Variants in SGCZ observed in about 807,000 individuals in gnomAD.
The protein encoded by SGCZ is sarcoglycan zeta.
A neutral mutation model predicts 41.3 loss-of-function variants in SGCZ; 40 were observed. That is an observed-to-expected ratio of 0.97 (90% CI 0.75 to 1.26). The LOEUF is 1.26. Among genes scored for constraint, SGCZ ranks in the 50% most tolerant of loss-of-function variants. SGCZ has a pLI of 0.00. For synonymous variants in SGCZ, 206 were observed against 137.5 expected, an observed-to-expected ratio of 1.50 and a Z score of -3.49; for missense variants, 552 against 369.8, an observed-to-expected ratio of 1.49 and a Z score of -4.04.
chr8:15,180,594 C>G (rs268357), intron 1 of SGCZ, among the ~76,000 whole-genome samples: 76,458 of 151,154 alleles, frequency 0.51, 20,048 homozygotes, highest in Non-Finnish European at 0.57. Context: ...AAAAAAAAAA[C>G]AGAGGGAAAG....
chr8:14,518,648 C>T (rs186790717), intron 2 of SGCZ, among the ~76,000 whole-genome samples: 18 of 152,118 alleles, frequency 1.2e-4, no homozygotes, highest in Middle Eastern at 3.4e-3. Context: ...CTTTTGGCAG[C>T]TTTCCATCAA....
intron 1 of SGCZ, among the ~76,000 whole-genome samples, chr8:15,216,228 T>C (rs958400194): frequency 6.8e-6 from 1 of 147,808 alleles, no homozygotes; most frequent in African/African-American, 2.5e-5. Flanking sequence ...TTTTTCTTTT[T>C]TTTTTTTTTT....
intron 1 of SGCZ, among the ~76,000 whole-genome samples, chr8:15,165,740 G>A (rs973257199): frequency 7.9e-5 from 12 of 152,198 alleles, no homozygotes; most frequent in African/African-American, 2.9e-4. Flanking sequence ...CTTTTGCTTA[G>A]GGTTAAAGTA....
intron 1 of SGCZ, among the ~76,000 whole-genome samples, chr8:14,566,808 C>G (rs1336962290): frequency 6.6e-6 from 1 of 152,174 alleles, no homozygotes; most frequent in South Asian, 2.1e-4. Flanking sequence ...CCTCAGCTTG[C>G]GGGGAGGTGT....
intron 4 of SGCZ, chr8:14,165,185 C>T (rs1055740710): frequency 6.5e-6 from 1 of 152,698 alleles, no homozygotes; most frequent in South Asian, 2.1e-4. Context: ...GTCTACATGT[C>T]ATAGATTCTA....
At chr8:14,301,060 AATCATCATCATC>A (rs58825148) in intron 3 of SGCZ, among the ~76,000 whole-genome samples, 5 of 147,902 alleles carry the variant, frequency 3.4e-5, no homozygotes, top group African/African-American at 2.5e-5. Context: ...AACACAAGAA[AATCATCATCATC>A]ATCATCATCA....
intron 2 of SGCZ, among the ~76,000 whole-genome samples, chr8:14,396,839 C>T (rs1798933801): frequency 6.6e-6 from 1 of 151,954 alleles, no homozygotes; most frequent in African/African-American, 2.4e-5. Flanking sequence ...TAAGGCACAT[C>T]TCTAAGAGAT....
At chr8:14,296,957 T>C (rs1801032695) in intron 3 of SGCZ, among the ~76,000 whole-genome samples, 1 of 152,180 alleles carries the variant, frequency 6.6e-6, no homozygotes, top group African/African-American at 2.4e-5. Context: ...TTTTCGCTCT[T>C]GTTGCCCAAG....
intron 5 of SGCZ, among the ~76,000 whole-genome samples, chr8:14,118,393 T>A (rs1432777428): frequency 6.6e-6 from 1 of 152,176 alleles, no homozygotes; most frequent in African/African-American, 2.4e-5. Context: ...GTTCATATCC[T>A]TCACCCACTT....
chr8:15,170,712 G>T (rs6986649), intron 1 of SGCZ, among the ~76,000 whole-genome samples: 3,913 of 152,198 alleles, frequency 0.026, 173 homozygotes, highest in African/African-American at 0.09. Context: ...CGATGTATTT[G>T]AACTATGCAG....
At chr8:15,037,491 C>T (rs1328414213) in intron 1 of SGCZ, among the ~76,000 whole-genome samples, 3 of 152,186 alleles carry the variant, frequency 2.0e-5, no homozygotes, top group African/African-American at 7.2e-5. Context: ...TGGACTAATA[C>T]ATATGAGAAA....
intron 1 of SGCZ, among the ~76,000 whole-genome samples, chr8:15,160,121 A>T (rs1799465933): frequency 6.6e-6 from 1 of 152,094 alleles, no homozygotes; most frequent in Non-Finnish European, 1.5e-5. Context: ...CAGTCTCCAA[A>T]ACGATTTTCG....
At chr8:14,347,603 T>G (rs1471592898) in intron 2 of SGCZ, among the ~76,000 whole-genome samples, 1 of 147,944 alleles carries the variant, frequency 6.8e-6, no homozygotes, top group African/African-American at 2.6e-5. Flanking sequence ...ATATACTTTA[T>G]AAAATAAAAA....
At chr8:14,909,964 A>G (rs17120569) in intron 1 of SGCZ, among the ~76,000 whole-genome samples, 11,711 of 152,136 alleles carry the variant, frequency 0.077, 1,090 homozygotes, top group African/African-American at 0.21. Flanking sequence ...CTATCATCCC[A>G]TAAGAGAACT....
At chr8:14,277,491 T>C (rs906898162) in intron 3 of SGCZ, among the ~76,000 whole-genome samples, 28 of 152,312 alleles carry the variant, frequency 1.8e-4, no homozygotes, top group African/African-American at 6.5e-4. Flanking sequence ...TATTTGTTTA[T>C]GTATCTGTCT....
At chr8:14,985,301 G>A (rs775911693) in intron 1 of SGCZ, among the ~76,000 whole-genome samples, 1 of 152,066 alleles carries the variant, frequency 6.6e-6, no homozygotes, top group Non-Finnish European at 1.5e-5. Flanking sequence ...ACTGAAGCTG[G>A]TGACAGCATT....
intron 1 of SGCZ, among the ~76,000 whole-genome samples, chr8:14,962,565 T>C (rs549527303): frequency 6.6e-6 from 1 of 152,322 alleles, no homozygotes; most frequent in Non-Finnish European, 1.5e-5. Flanking sequence ...CTGTATTTTA[T>C]TAGTTAAATA....
intron 3 of SGCZ, among the ~76,000 whole-genome samples, chr8:14,292,300 G>C (rs1021950164): frequency 6.6e-6 from 1 of 151,998 alleles, no homozygotes; most frequent in African/African-American, 2.4e-5. Context: ...GGGCAGACAT[G>C]AGAGTAGCTA....
At chr8:14,679,074 T>C (rs961178736) in intron 1 of SGCZ, among the ~76,000 whole-genome samples, 1 of 152,164 alleles carries the variant, frequency 6.6e-6, no homozygotes, top group Non-Finnish European at 1.5e-5. Flanking sequence ...CATACTGTCG[T>C]AAACTCATAG....
Sources: gnomAD v4.1 joint callset for allele counts (sites outside exome capture counted in the v4.1 genomes callset) on GRCh38, gnomAD v4.1.1 for gene constraint, MANE v1.5 for transcripts, NCBI Gene and HGNC (gene_info 2026-07-23, HGNC 2026-07-21) for gene names.